The following TDRD9 variants were observed in gnomAD, a reference collection of about 807,000 sequenced individuals.
TDRD9 encodes the protein tudor domain containing 9, also known as ATP-dependent RNA helicase TDRD9.
TDRD9 carries 124 observed loss-of-function variants against 172.6 expected under a neutral mutation model. That is an observed-to-expected ratio of 0.72 (90% CI 0.62 to 0.83). The LOEUF (loss-of-function observed/expected upper bound fraction) is 0.83, where lower values mean the gene tolerates loss of function less well. TDRD9 is among the 40% of genes least tolerant of loss of function. The pLI is 0.00. For missense variants in TDRD9, 1,479 were observed against 1,714.1 expected (o/e 0.86, Z 2.42); for synonymous variants, 619 against 617.1 (o/e 1.00, Z -0.05).
chr14:103,937,024 C>G (rs2030812500), intron 1 of TDRD9, among the ~76,000 whole-genome samples: 1 of 152,148 alleles, frequency 6.6e-6, no homozygotes, highest in African/African-American at 2.4e-5. Context: ...GCCAGGAGTT[C>G]AAGGCTGCAG....
chr14:104,025,364 T>G (rs2035083927), intron 25 of TDRD9, among the ~76,000 whole-genome samples, 200 bp from the exon 26 acceptor site: 1 of 152,206 alleles, frequency 6.6e-6, no homozygotes, highest in South Asian at 2.1e-4. Flanking sequence ...TCCACACATT[T>G]CCTTACCTTA....
At chr14:104,003,711 C>G (rs1001750558) in intron 13 of TDRD9, among the ~76,000 whole-genome samples, 2 of 151,982 alleles carry the variant, frequency 1.3e-5, no homozygotes, top group African/African-American at 4.8e-5. Context: ...TGTGGGCCAG[C>G]CTTGGTTCTG....
Position 104,049,647 on chromosome 14 carries a change from C to CA in TDRD9, c.4016dup (p.Trp1340ValfsTer3). The stretch of plus-strand genomic sequence containing the variant: ...CAAAACCAAGGGAGAAGATTGTTCC[C>CA]AAGTGGCATGAAAAGCCCTACGAGT... On this transcript the variant is annotated frameshift_variant, in exon 35 of 36. Coordinates refer to ENST00000409874, the MANE Select transcript of TDRD9 (RefSeq NM_153046.3). LOFTEE classifies it high-confidence loss of function. The CA allele has an allele frequency of 6.3e-7, 1 of 1,589,640 alleles. No individual in the cohort carries two copies. Among genetic ancestry groups the CA allele is most frequent in the Non-Finnish European group, 8.6e-7 (1 of 1,168,102 alleles).
intron 13 of TDRD9, 122 bp from the exon 14 acceptor site, chr14:104,004,116 G>A (rs1383663897): frequency 1.8e-5 from 9 of 488,712 alleles, no homozygotes; most frequent in Non-Finnish European, 3.4e-5. Context: ...TACTGACATA[G>A]TCTGGTGGAA....
rs1412501324 is a variant in TDRD9, at chr14:103,948,172, CCTG to C, written c.216-7489_216-7487del. Among the ~76,000 whole-genome samples, 54 of 151,802 alleles carry C rather than the reference CCTG, an allele frequency of 3.6e-4. 1 individual carries two copies. In the East Asian group the frequency reaches 0.01, roughly 28 times the overall value. On this transcript the variant is annotated intron_variant, in intron 1 of 35. Transcript: ENST00000409874. Reference sequence around the variant, plus strand: ...GGGACTATAGGTGTGCAGCAGCGTGCCTGCTATTTTTTTTTTTTATTTTTTGTA... The same window carrying C: ...GGGACTATAGGTGTGCAGCAGCGTGCCTATTTTTTTTTTTTATTTTTTGTA...
rs149212696 is a variant in TDRD9, at chr14:104,014,790, G to A, written c.2172G>A (p.Arg724=). 12 of 1,612,304 alleles carry A rather than the reference G, an allele frequency of 7.4e-6. No homozygotes were observed. The Admixed American group carries it at 1.0e-4, about 13-fold the overall frequency. ...AGTTCAACATGCATGTTGATTCTCG[G>A]CGACCTGTCATGGACCAAGAGTATA... ...ISQFNMHVDS[R]RPVMDQEYIY... The change falls in exon 21 of 36, where the codon CGG becomes CGA. Residue 724 remains arginine (R), a synonymous_variant. Transcript: ENST00000409874.
intron 33 of TDRD9, 114 bp downstream of exon 33, chr14:104,040,448 T>G (rs1478950866): frequency 5.1e-6 from 6 of 1,169,782 alleles, no homozygotes; most frequent in Non-Finnish European, 6.8e-6. Flanking sequence ...ACACCTCTGG[T>G]CCTGGAGATG....
intron 32 of TDRD9, among the ~76,000 whole-genome samples, chr14:104,039,579 C>T (rs950563041): frequency 2.6e-5 from 4 of 152,098 alleles, no homozygotes; most frequent in African/African-American, 4.8e-5. Flanking sequence ...GGGAATTGGT[C>T]GGAAAGTTGT....
At chr14:104,047,697 T>C (rs184474692) in intron 34 of TDRD9, among the ~76,000 whole-genome samples, 3 of 152,312 alleles carry the variant, frequency 2.0e-5, no homozygotes, top group Admixed American at 2.0e-4. Context: ...TGGTCACTCT[T>C]CTTCAGTCTC....
rs143966516 is a variant in TDRD9, at chr14:103,982,095, G to T, written c.1012-4122G>T. ...CCTTTCTTCATGGAGCACCAGCCGC[G>T]CCTCCTGGGTTTCATGTCTCATCCT... On this transcript the variant is annotated intron_variant, in intron 7 of 35. Coordinates refer to ENST00000409874, the MANE Select transcript of TDRD9 (RefSeq NM_153046.3). 4.7e-3 allele frequency among the ~76,000 whole-genome samples: 716 copies of T among 151,656 alleles called. 4 individuals are homozygous for T. The highest frequency in any genetic ancestry group is 0.017 in the African/African-American group (685 of 40,992).
chr14:104,014,986 G>T, intron 21 of TDRD9, 145 bp downstream of exon 21: 1 of 465,044 alleles, frequency 2.2e-6, no homozygotes, highest in Non-Finnish European at 3.8e-6. Flanking sequence ...ACTGCGTTTG[G>T]GAACCAGGAA....
intron 1 of TDRD9, among the ~76,000 whole-genome samples, chr14:103,932,713 G>T (rs2030479680): frequency 1.3e-5 from 2 of 152,026 alleles, no homozygotes; most frequent in Non-Finnish European, 1.5e-5. Flanking sequence ...ATAAGCATAG[G>T]GTATTGCACA....
intron 8 of TDRD9, among the ~76,000 whole-genome samples, chr14:103,987,810 C>T (rs2033727911): frequency 6.6e-6 from 1 of 152,132 alleles, no homozygotes; most frequent in Admixed American, 6.5e-5. Flanking sequence ...TGATCTTCTG[C>T]CTGGTTGCTC....
intron 35 of TDRD9, 137 bp from the exon 36 acceptor site, chr14:104,051,844 G>C: frequency 1.8e-6 from 1 of 559,034 alleles, no homozygotes; most frequent in Non-Finnish European, 3.3e-6. Context: ...TGAAGTGTGA[G>C]AGTAGAGAAG....
chr14:103,930,000 A>G (rs2030266389), intron 1 of TDRD9, among the ~76,000 whole-genome samples: 2 of 152,202 alleles, frequency 1.3e-5, no homozygotes, highest in South Asian at 4.1e-4. Flanking sequence ...AATAAAAAGC[A>G]AGAGTATATC....
At chr14:104,039,849 C>G (rs2035560659) in intron 32 of TDRD9, among the ~76,000 whole-genome samples, 1 of 151,932 alleles carries the variant, frequency 6.6e-6, no homozygotes, top group Non-Finnish European at 1.5e-5. Flanking sequence ...CCAGAAATCT[C>G]CCTAATAAGA....
chr14:103,984,398 A>C (rs561460454), intron 7 of TDRD9, among the ~76,000 whole-genome samples: 42 of 152,334 alleles, frequency 2.8e-4, no homozygotes, highest in African/African-American at 9.6e-4. Context: ...TGCTGTGTGC[A>C]GCCTAGGGAC....
At chr14:103,973,371 T>A (rs1035263202) in intron 6 of TDRD9, among the ~76,000 whole-genome samples, 21 of 152,214 alleles carry the variant, frequency 1.4e-4, no homozygotes, top group Non-Finnish European at 2.2e-4. Context: ...TCCCCTTTCC[T>A]CTCCCCCCAA....
intron 9 of TDRD9, 31 bp from the exon 10 acceptor site, chr14:103,994,301 T>C: frequency 6.3e-7 from 1 of 1,599,876 alleles, no homozygotes; most frequent in Admixed American, 1.7e-5. Flanking sequence ...CAAACATGTT[T>C]ATTTCCCTCC....
Sources: allele counts gnomAD v4.1 joint callset (sites outside exome capture counted in the v4.1 genomes callset), GRCh38; gene constraint gnomAD v4.1.1; transcripts MANE v1.5; gene names NCBI Gene and HGNC (gene_info 2026-07-23, HGNC 2026-07-21).